The following LENG8 variants were observed in gnomAD, a reference collection of about 807,000 sequenced individuals.
LENG8 encodes leukocyte receptor cluster (LRC) member 8.
In LENG8, 28 loss-of-function variants were observed where a neutral mutation model predicts 102.1. That is an observed-to-expected ratio of 0.27 (90% CI 0.20 to 0.38). The LOEUF (loss-of-function observed/expected upper bound fraction) is 0.38, where lower values mean the gene tolerates loss of function less well. Ranked by LOEUF, LENG8 falls within the 10% of genes least tolerant of loss-of-function variation. The probability of loss-of-function intolerance (pLI) is 1.00; values close to 1 mark genes in which losing one functional copy is unlikely to be tolerated. For missense variants in LENG8, 1,022 were observed against 1,113.9 expected, an observed-to-expected ratio of 0.92 and a Z score of 1.17; for synonymous variants, 531 against 456.7, an observed-to-expected ratio of 1.16 and a Z score of -2.07.
In LENG8 at chr19:54,461,086, CTG is replaced by C. The variant is rs1281518950; in HGVS notation, c.*160_*161del. 1 of 1,097,196 alleles carries C rather than the reference CTG, an allele frequency of 9.1e-7. No individual in the cohort carries two copies. The highest frequency in any genetic ancestry group is 1.3e-6 in the Non-Finnish European group (1 of 756,044). 68.0% of individuals were successfully genotyped at this position (1,097,196 alleles called of 1,614,324 possible). On this transcript the variant is annotated 3_prime_UTR_variant, in exon 16 of 16. Transcript: ENST00000326764. ...TGCCCCCGTTTTCCCACCGGGGAGT[CTG>C]TACAGAGATTTTTCTACGTTTTTAT...
In LENG8 at chr19:54,455,493, C is replaced by T. The variant is rs753767920; in HGVS notation, c.951C>T (p.Leu317=). ...ACAAGGACCGCACGGAAAAGCTGCT[C>T]AAGGAGGTGCTGCAGGCGCGGCTGC... ...EEDKDRTEKL[L]KEVLQARLQD... Residue 317 remains leucine (L), a synonymous_variant, in exon 8 of 16, where the codon CTC becomes CTT. Coordinates refer to ENST00000326764, the MANE Select transcript of LENG8 (RefSeq NM_052925.4). 15 of 1,613,916 alleles carry T rather than the reference C, an allele frequency of 9.3e-6. No homozygotes were observed. The East Asian group carries it at 2.2e-4, about 24-fold the overall frequency.
At chr19:54,454,399 T>C (rs1479201787) in intron 5 of LENG8, 31 bp from the exon 6 acceptor site, 3 of 1,562,172 alleles carry the variant, frequency 1.9e-6, no homozygotes, top group South Asian at 2.4e-5. Context: ...AGAATCTGCC[T>C]CCCGTGCTCA....
At position 54,455,387 on chromosome 19, in the gene LENG8, T is replaced by C. The variant is rs780005426; in HGVS notation, c.845T>C (p.Leu282Pro). 3.7e-6 allele frequency: 6 copies of C among 1,614,174 alleles called. No homozygotes were observed. The South Asian group carries it at 6.6e-5, about 18-fold the overall frequency. ...NHSGSSARGN[L>P]SGKPDDWPQD... ...AGCGGGTCCTCTGCCCGGGGGAACC[T>C]GTCTGGGAAGCCGGATGACTGGCCC... is the stretch of plus-strand genomic sequence containing the variant. Residue 282 changes from leucine (L) to proline (P), a missense_variant, in exon 8 of 16, where the codon CTG becomes CCG. By Grantham distance (98) the Leu-to-Pro change is moderately conservative. Around this residue, in one of 7 missense-constraint regions of LENG8, gnomAD observed 343 missense variants for 320.2 expected, o/e 1.07. Transcript: ENST00000326764.
At chr19:54,453,740 G>T in intron 5 of LENG8, 84 bp downstream of exon 5, 1 of 949,404 alleles carries the variant, frequency 1.1e-6, no homozygotes, top group South Asian at 1.5e-5. Flanking sequence ...GGAATGGCTT[G>T]TACTCCTTAA....
At position 54,453,535 on chromosome 19, in the gene LENG8, C is replaced by T. The variant is rs928857675; in HGVS notation, c.316-11C>T. 12 of 1,600,524 alleles carry T rather than the reference C, an allele frequency of 7.5e-6. No individual in the cohort carries two copies. The highest frequency in any genetic ancestry group is 2.7e-5 in the African/African-American group (2 of 74,730). ...CCTCCCACTAAACCCTCCCTCCCTG[C>T]GCCTTTGCAGAGCATGTACCAGAGC... is the stretch of plus-strand genomic sequence containing the variant. On this transcript the variant is annotated splice_polypyrimidine_tract_variant and intron_variant, in intron 4 of 15. Coordinates refer to ENST00000326764, the MANE Select transcript of LENG8 (RefSeq NM_052925.4).
Position 54,451,333 on chromosome 19 carries a change from C to A in LENG8, c.-12C>A, listed in dbSNP as rs781494025. The A allele has an allele frequency of 1.2e-6, 2 of 1,614,026 alleles. No individual in the cohort carries two copies. The highest frequency in any genetic ancestry group is 4.5e-5 in the East Asian group (2 of 44,900). On this transcript the variant is annotated 5_prime_UTR_variant, in exon 2 of 16. Coordinates refer to ENST00000326764, the MANE Select transcript of LENG8 (RefSeq NM_052925.4). The stretch of plus-strand genomic sequence containing the variant: ...GGCTCCCGAGGTCCACCCCTTATAC[C>A]CCAAGGTCCAGATGGCGGCCAACGT...
At chr19:54,451,081 G>A (rs1483037651) in intron 1 of LENG8, among the ~76,000 whole-genome samples, 5 of 152,046 alleles carry the variant, frequency 3.3e-5, no homozygotes, top group Admixed American at 6.5e-5. Flanking sequence ...TTTTCCACCT[G>A]GAGCTCTACA....
rs1034011739 is a variant in LENG8 at position 54,460,597 on chromosome 19, C to G, written c.2241-169C>G. 118 of 1,350,152 alleles carry G rather than the reference C, an allele frequency of 8.7e-5. 1 individual carries two copies. The highest frequency in any genetic ancestry group is 7.0e-4 in the South Asian group (44 of 62,748). 83.6% of individuals were successfully genotyped at this position (1,350,152 alleles called of 1,614,324 possible). A position where few individuals can be genotyped will look rare whatever the true frequency, so the allele number is the denominator to read the frequency against. On this transcript the variant is annotated intron_variant, in intron 15 of 15. Coordinates refer to ENST00000326764, the MANE Select transcript of LENG8 (RefSeq NM_052925.4). ...ACTGGGGTCACTAACCCCCCCCGGGCCCCCCCCGAGCCCCTGAGGTGGGGA... is the reference window on the plus strand; with the variant it reads ...ACTGGGGTCACTAACCCCCCCCGGGGCCCCCCCGAGCCCCTGAGGTGGGGA...
chr19:54,456,479 A>C lies in LENG8; in HGVS notation c.1445+14A>C. ...GCGTGGGAAGAGGTGAGACTGTGTG[A>C]GGGCTCGACACACGGGCCAGGGTGG... On this transcript the variant is annotated intron_variant, in intron 10 of 15. Transcript: ENST00000326764. 1 of 1,595,916 alleles carries C rather than the reference A, an allele frequency of 6.3e-7. No individual in the cohort carries two copies. Among genetic ancestry groups the C allele is most frequent in the Non-Finnish European group, 8.5e-7 (1 of 1,174,116 alleles).
intron 5 of LENG8, 111 bp downstream of exon 5, chr19:54,453,767 C>A: frequency 2.8e-6 from 2 of 726,700 alleles, no homozygotes; most frequent in Non-Finnish European, 4.6e-6. Context: ...TTTTTCCTTC[C>A]AAGCAACTCC....
chr19:54,459,093 T>C, intron 15 of LENG8: 1 of 1,381,938 alleles, frequency 7.2e-7, no homozygotes, highest in Non-Finnish European at 9.3e-7. Flanking sequence ...TGGCTTGCTG[T>C]GGGTGGGGAT....
intron 5 of LENG8, 142 bp from the exon 6 acceptor site, chr19:54,454,288 T>G: frequency 2.7e-6 from 2 of 752,820 alleles, no homozygotes; most frequent in Non-Finnish European, 4.3e-6. Context: ...TACTGAGGAC[T>G]CGAATGAACT....
intron 15 of LENG8, 181 bp from the exon 16 acceptor site, chr19:54,460,585 A>ACCC (rs60779846): frequency 1.5e-4 from 203 of 1,356,318 alleles, no homozygotes; most frequent in African/African-American, 1.4e-3. Flanking sequence ...GGGGTCACTA[A>ACCC]CCCCCCCCGG....
chr19:54,458,649 A>G (rs1344358667), intron 15 of LENG8, 128 bp downstream of exon 15: 11 of 1,553,652 alleles, frequency 7.1e-6, no homozygotes, highest in South Asian at 1.2e-5. Context: ...TTGCTTCCCC[A>G]TCATCTTTCT....
chr19:54,454,887 G>T (rs1599972248), intron 6 of LENG8, 64 bp from the exon 7 acceptor site: 2 of 1,601,588 alleles, frequency 1.2e-6, no homozygotes, highest in Admixed American at 1.7e-5. Context: ...ACTTCCTCCC[G>T]TCCCCTGGGG....
intron 15 of LENG8, 82 bp downstream of exon 15, chr19:54,458,603 C>T (rs746165447): frequency 1.3e-6 from 2 of 1,587,976 alleles, no homozygotes; most frequent in South Asian, 1.1e-5. Flanking sequence ...CTCCTGGCCG[C>T]AGGCCTCCCC....
Position 54,459,798 on chromosome 19 carries a change from G to C in LENG8, c.2241-968G>C, listed in dbSNP as rs183693190. ...ACAGGAGCAGACGAGGATGTGGGGT[G>C]CCGTGCACAGAGCTCCATGACCAGC... On this transcript the variant is annotated intron_variant, in intron 15 of 15. Transcript: ENST00000326764. 2.7e-5 allele frequency: 31 copies of C among 1,139,684 alleles called. No homozygotes were observed. The East Asian group carries it at 2.0e-3, about 74-fold the overall frequency. 70.6% of individuals were successfully genotyped at this position (1,139,684 alleles called of 1,614,324 possible).
chr19:54,460,592 C>CG, intron 15 of LENG8, 174 bp from the exon 16 acceptor site: 2 of 1,416,478 alleles, frequency 1.4e-6, no homozygotes, highest in Non-Finnish European at 1.8e-6. Flanking sequence ...CTAACCCCCC[C>CG]CGGGCCCCCC....
rs765577051 is a variant in LENG8, at chr19:54,452,604, C to T, written c.214-47C>T. On this transcript the variant is annotated intron_variant, in intron 3 of 15. Coordinates refer to ENST00000326764, the MANE Select transcript of LENG8 (RefSeq NM_052925.4). ...AGGCTTGCCCTTTGGGGGCCGTGTG[C>T]CTGTGGATTTGGGCTGCTGACGGCA... 9 of 1,476,000 alleles carry T rather than the reference C, an allele frequency of 6.1e-6. No individual in the cohort carries two copies. The South Asian group carries it at 6.8e-5, about 11-fold the overall frequency. 91.4% of individuals were successfully genotyped at this position (1,476,000 alleles called of 1,614,324 possible). A position where few individuals can be genotyped will look rare whatever the true frequency, so the allele number is the denominator to read the frequency against.
Sources: gnomAD v4.1 joint callset for allele counts (sites outside exome capture counted in the v4.1 genomes callset) on GRCh38, gnomAD v4.1.1 for gene constraint, gnomAD v4.1.1 regional missense constraint, MANE v1.5 for transcripts, NCBI Gene and HGNC (gene_info 2026-07-23, HGNC 2026-07-21) for gene names.